The following EMC1 variants were observed in gnomAD, a reference collection of about 807,000 sequenced individuals.
The protein encoded by EMC1 is KIAA0090.
A neutral mutation model predicts 128.8 loss-of-function variants in EMC1; 103 were observed. The ratio of observed to expected loss-of-function variants is 0.80; its 90% CI spans 0.68 to 0.94. EMC1 has a LOEUF of 0.94. Ranked by LOEUF, EMC1 falls within the 40% of genes least tolerant of loss-of-function variation. The pLI is 0.00. For missense variants in EMC1, 1,083 were observed against 1,250.6 expected (o/e 0.87, Z 2.02); for synonymous variants, 442 against 490.4 (o/e 0.90, Z 1.30).
intron 7 of EMC1, 92 bp from the exon 8 acceptor site, chr1:19,240,077 G>A: frequency 1.5e-6 from 2 of 1,357,614 alleles, no homozygotes; most frequent in Admixed American, 2.5e-5. Context: ...TTTGCCGGGG[G>A]AAGTAACTGG....
In EMC1 at chr1:19,223,477, G is replaced by A. The variant is rs1422804205; in HGVS notation, c.2295C>T (p.Val765=). ...CAGAGGAGTGAATGATACGCCCAGTGACGCCATCAATGAGGAAGATGCCAA... is the reference window on the plus strand; with the variant it reads ...CAGAGGAGTGAATGATACGCCCAGTAACGCCATCAATGAGGAAGATGCCAA... ...TFIGIFLIDG[V]TGRIIHSSVQ... Residue 765 remains valine (V), a synonymous_variant, in exon 19 of 23, where the codon GTC becomes GTT. Transcript: ENST00000477853. 1.9e-6 allele frequency: 3 copies of A among 1,614,068 alleles called. No homozygotes were observed. In the African/African-American group the frequency reaches 4.0e-5, roughly 22 times the overall value.
chr1:19,224,968 C>T (rs957416183), intron 18 of EMC1, among the ~76,000 whole-genome samples: 6 of 152,198 alleles, frequency 3.9e-5, no homozygotes, highest in Non-Finnish European at 5.9e-5. Flanking sequence ...CCACTCACTC[C>T]GTGCCACTTT....
intron 15 of EMC1, among the ~76,000 whole-genome samples, 196 bp downstream of exon 15, chr1:19,232,428 C>T (rs140384154): frequency 6.6e-5 from 10 of 152,364 alleles, no homozygotes; most frequent in South Asian, 4.1e-4. Flanking sequence ...GGTGAAGTCA[C>T]ACCCACTTTC....
chr1:19,237,904 C>A, intron 11 of EMC1, 113 bp downstream of exon 11: 1 of 1,358,954 alleles, frequency 7.4e-7, no homozygotes, highest in Non-Finnish European at 9.9e-7. Flanking sequence ...AGCACTAGAA[C>A]ACATGTTTAG....
intron 3 of EMC1, 117 bp from the exon 4 acceptor site, chr1:19,243,824 G>T: frequency 7.1e-7 from 1 of 1,410,406 alleles, no homozygotes; most frequent in East Asian, 2.3e-5. Context: ...TGTTAAACAG[G>T]TACCTGTCCT....
At chr1:19,242,076 C>A (rs1009993461) in intron 5 of EMC1, among the ~76,000 whole-genome samples, 1 of 152,166 alleles carries the variant, frequency 6.6e-6, no homozygotes, top group Non-Finnish European at 1.5e-5. Flanking sequence ...AGTACCATAA[C>A]CATGAGCGAG....
At chr1:19,240,103 T>A (rs1257766914) in intron 7 of EMC1, 118 bp from the exon 8 acceptor site, 2 of 1,216,958 alleles carry the variant, frequency 1.6e-6, no homozygotes, top group Non-Finnish European at 2.3e-6. Context: ...GGCAGGTGGC[T>A]CCAAATGCTC....
chr1:19,240,478 G>A (rs200118009), intron 6 of EMC1, 32 bp from the exon 7 acceptor site: 48 of 1,611,730 alleles, frequency 3.0e-5, no homozygotes, highest in Middle Eastern at 1.6e-4. Context: ...CAGGAAGCTC[G>A]TGAAAGATTT....
intron 15 of EMC1, 139 bp from the exon 16 acceptor site, chr1:19,231,561 G>T: frequency 1.2e-6 from 1 of 851,078 alleles, no homozygotes; most frequent in Non-Finnish European, 1.8e-6. Context: ...ATAAGTTCTT[G>T]GCTGTAGGTG....
Position 19,238,262 on chromosome 1 carries a change from T to C in EMC1, c.1090-123A>G, listed in dbSNP as rs1406980134. 5 of 1,075,340 alleles carry C rather than the reference T, an allele frequency of 4.6e-6. No homozygotes were observed. The East Asian group carries it at 1.2e-4, about 26-fold the overall frequency. 66.6% of individuals were successfully genotyped at this position (1,075,340 alleles called of 1,614,324 possible). A position where few individuals can be genotyped will look rare whatever the true frequency, so the allele number is the denominator to read the frequency against. On this transcript the variant is annotated intron_variant, in intron 10 of 22. Transcript: ENST00000477853. The stretch of plus-strand genomic sequence containing the variant: ...GAGCCAGGCCAGAAGGGGAAATATA[T>C]GCAAAGGAGAATAAAAGAGAAAAGC...
intron 1 of EMC1, among the ~76,000 whole-genome samples, chr1:19,247,089 G>A (rs78765469): frequency 6.6e-6 from 1 of 152,178 alleles, no homozygotes; most frequent in African/African-American, 2.4e-5. Context: ...CCAATGCCTT[G>A]ATCTTGAATT....
In EMC1 at chr1:19,219,566, C is replaced by T; in HGVS notation, c.2802+3G>A. On this transcript the variant is annotated splice_donor_region_variant and intron_variant, in intron 22 of 22. Transcript: ENST00000477853. ...AAATAGGGCAGCTGTGGGCTCTACTCACCAAACAAGTGGACTCCAGACCCG... is the reference window on the plus strand; with the variant it reads ...AAATAGGGCAGCTGTGGGCTCTACTTACCAAACAAGTGGACTCCAGACCCG... The T allele has an allele frequency of 3.1e-6, 5 of 1,614,130 alleles. No individual in the cohort carries two copies. Among genetic ancestry groups the T allele is most frequent in the African/African-American group, 1.3e-5 (1 of 75,042 alleles).
chr1:19,222,764 T>G lies in EMC1; in HGVS notation c.2447A>C (p.Gln816Pro). ...GGAGCTGAAGGCGGTGGCGTTGTAT[T>G]GCTCAGTGCCCTCATAGAGCTCCAG... Reference protein sequence around the residue: ...TVLELYEGTEQYNATAFSSLD... With the variant: ...TVLELYEGTEPYNATAFSSLD... The change falls in exon 20 of 23, where the codon CAA (glutamine) becomes CCA (proline). Residue 816 changes from glutamine (Q) to proline (P), a missense_variant. Coordinates refer to ENST00000477853, the MANE Select transcript of EMC1 (RefSeq NM_015047.3). 6.2e-7 allele frequency: 1 copy of G among 1,614,156 alleles called. No homozygotes were observed. Among genetic ancestry groups the G allele is most frequent in the Non-Finnish European group, 8.5e-7 (1 of 1,179,996 alleles).
intron 6 of EMC1, chr1:19,240,729 A>G (rs2093600534): frequency 7.0e-6 from 4 of 571,576 alleles, no homozygotes; most frequent in South Asian, 2.3e-5. Flanking sequence ...CTTCTTTACT[A>G]TATTTGCCAT....
In EMC1 at chr1:19,251,472, G is replaced by GC; in HGVS notation, c.37dup (p.Ala13GlyfsTer19). On this transcript the variant is annotated frameshift_variant, in exon 1 of 23. Transcript: ENST00000477853. LOFTEE classifies it high-confidence loss of function. ...CGCGGCCGCAGGAATCAGCAGCGTAGCCCAAAGCCAGAAACGAGAAGCCCA... is the reference window on the plus strand; with the variant it reads ...CGCGGCCGCAGGAATCAGCAGCGTAGCCCCAAAGCCAGAAACGAGAAGCCCA... The GC allele has an allele frequency of 1.2e-6, 2 of 1,614,178 alleles. No individual in the cohort carries two copies. The highest frequency in any genetic ancestry group is 1.7e-6 in the Non-Finnish European group (2 of 1,180,036).
chr1:19,242,270 G>A (rs921283995), intron 5 of EMC1, 75 bp downstream of exon 5: 9 of 1,536,272 alleles, frequency 5.9e-6, no homozygotes, highest in Admixed American at 3.4e-5. Flanking sequence ...CAAATGCTTC[G>A]GGTCCCTCGA....
At chr1:19,240,797 A>G in intron 6 of EMC1, 1 of 595,804 alleles carries the variant, frequency 1.7e-6, no homozygotes, top group South Asian at 2.1e-5. Flanking sequence ...CAGAGACTAG[A>G]TCTATGTAAT....
At chr1:19,227,288 A>G in intron 18 of EMC1, 25 bp downstream of exon 18, 1 of 1,613,786 alleles carries the variant, frequency 6.2e-7, no homozygotes, top group Non-Finnish European at 8.5e-7. Flanking sequence ...CCCTTGCTGT[A>G]GACCAGACAG....
At chr1:19,237,042 A>T in intron 12 of EMC1, 100 bp downstream of exon 12, 1 of 836,540 alleles carries the variant, frequency 1.2e-6, no homozygotes. Flanking sequence ...CTCCACTTGA[A>T]TCTCTTCCAG....
Sources: gnomAD v4.1 joint callset for allele counts (sites outside exome capture counted in the v4.1 genomes callset) on GRCh38, gnomAD v4.1.1 for gene constraint, MANE v1.5 for transcripts, NCBI Gene and HGNC (gene_info 2026-07-23, HGNC 2026-07-21) for gene names.